IGF2R: variants seen among roughly 807,000 people sequenced by gnomAD.
The protein encoded by IGF2R is cation-independent mannose-6-phosphate receptor.
Under a neutral mutation model 270.6 loss-of-function variants are expected in IGF2R, and 91 were observed. That is an observed-to-expected ratio of 0.34 (90% CI 0.28 to 0.40). IGF2R has a LOEUF of 0.40. Among genes scored for constraint, IGF2R ranks in the 10% least tolerant of loss-of-function variants. The pLI, the probability that IGF2R is intolerant of heterozygous loss-of-function variation, is 1.00. For synonymous variants in IGF2R, 1,316 were observed against 1,258.9 expected, an observed-to-expected ratio of 1.05 and a Z score of -0.96; for missense variants, 2,805 against 3,188.3, an observed-to-expected ratio of 0.88 and a Z score of 2.90.
chr6:159,971,715 A>G (rs915247998), intron 1 of IGF2R, among the ~76,000 whole-genome samples: 1 of 152,242 alleles, frequency 6.6e-6, no homozygotes, highest in East Asian at 1.9e-4. Flanking sequence ...TGGTGCAGTC[A>G]TAGCTCACTA....
chr6:160,002,859 A>C (rs1472975070), intron 2 of IGF2R, among the ~76,000 whole-genome samples: 1 of 152,230 alleles, frequency 6.6e-6, no homozygotes, highest in Non-Finnish European at 1.5e-5. Context: ...CAGTAAAAAT[A>C]CCAAATACAT....
intron 27 of IGF2R, among the ~76,000 whole-genome samples, chr6:160,064,141 A>G (rs1037715629): frequency 1.3e-5 from 2 of 152,250 alleles, no homozygotes; most frequent in African/African-American, 2.4e-5. Context: ...AGAAAGTGAC[A>G]TTCCCTTAGG....
chr6:160,055,165 T>A (rs922720859), intron 19 of IGF2R, among the ~76,000 whole-genome samples: 2 of 152,110 alleles, frequency 1.3e-5, no homozygotes, highest in African/African-American at 4.8e-5. Context: ...TCAGGAAGGA[T>A]CCAGGTTTGG....
rs201596703 is a variant in IGF2R, at chr6:160,034,519, G to A, written c.1312G>A (p.Ala438Thr). The change falls in exon 10 of 48, where the codon GCA becomes ACA. Residue 438 changes from alanine to threonine, a missense_variant. Coordinates refer to ENST00000356956, the MANE Select transcript of IGF2R (RefSeq NM_000876.4). The part of the protein sequence containing the change: ...SVINFECNKT[A>T]GNDGKGTPVF... ...CATAAACTTTGAGTGCAATAAAACC[G>A]CAGGTAAGTGTGCGCTGGAGTTCAG... 13 of 1,599,720 alleles carry A rather than the reference G, an allele frequency of 8.1e-6. No homozygotes were observed. The highest frequency in any genetic ancestry group is 3.3e-5 in the Admixed American group (2 of 59,938).
At chr6:160,006,828 A>G (rs935014355) in intron 2 of IGF2R, 2 of 152,048 alleles carry the variant, frequency 1.3e-5, no homozygotes, top group Non-Finnish European at 2.9e-5. Context: ...ACAAAAATCT[A>G]GGATCTTGGC....
intron 1 of IGF2R, among the ~76,000 whole-genome samples, chr6:159,969,824 C>T (rs929089511): frequency 1.3e-5 from 2 of 152,110 alleles, no homozygotes; most frequent in African/African-American, 4.8e-5. Flanking sequence ...TGAGGCCCCT[C>T]GGTGTGGAGA....
intron 36 of IGF2R, among the ~76,000 whole-genome samples, chr6:160,077,972 A>T (rs571056011): frequency 1.3e-5 from 2 of 152,344 alleles, no homozygotes; most frequent in African/African-American, 4.8e-5. Flanking sequence ...TAAGTAGAAG[A>T]CAAGACCTGG....
chr6:160,092,604 C>G (rs1299636534), intron 44 of IGF2R, among the ~76,000 whole-genome samples: 3 of 152,264 alleles, frequency 2.0e-5, no homozygotes, highest in Admixed American at 1.3e-4. Context: ...CTTCCTGAGG[C>G]TTGCCATTCC....
rs758766747 is a variant in IGF2R, at chr6:160,089,099, C to T, written c.6321-8C>T. ...AAGTGACTGTAGCCTGTGCTTCCCTCCTCCTAGGTTTGATATCGACAGCTG... is the reference window on the plus strand; with the variant it reads ...AAGTGACTGTAGCCTGTGCTTCCCTTCTCCTAGGTTTGATATCGACAGCTG... On this transcript the variant is annotated splice_region_variant and splice_polypyrimidine_tract_variant and intron_variant, in intron 42 of 47. Coordinates refer to ENST00000356956, the MANE Select transcript of IGF2R (RefSeq NM_000876.4). The T allele has an allele frequency of 2.5e-6, 4 of 1,611,016 alleles. No homozygotes were observed. Among genetic ancestry groups the T allele is most frequent in the East Asian group, 2.2e-5 (1 of 44,758 alleles).
At position 160,072,026 on chromosome 6, in the gene IGF2R, C is replaced by T. The variant is rs1244303508; in HGVS notation, c.4560C>T (p.Asn1520=). Residue 1520 remains asparagine, a synonymous_variant, in exon 32 of 48, where the codon AAC becomes AAT. Coordinates refer to ENST00000356956, the MANE Select transcript of IGF2R (RefSeq NM_000876.4). The part of the protein sequence containing the change: ...SNEHDDCQVT[N]PSTGHLFDLS... ...AGCATGATGACTGCCAGGTCACCAA[C>T]CCAAGCACAGGTGAGAGGTGGTGCC... 1 of 1,614,046 alleles carries T rather than the reference C, an allele frequency of 6.2e-7. No homozygotes were observed. The highest frequency in any genetic ancestry group is 1.3e-5 in the African/African-American group (1 of 74,928).
At chr6:160,060,745 A>G (rs1562361919) in intron 23 of IGF2R, 28 bp downstream of exon 23, 1 of 1,611,944 alleles carries the variant, frequency 6.2e-7, no homozygotes, top group Admixed American at 1.7e-5. Context: ...AAGAACTGAG[A>G]GGCCGGTCAA....
chr6:160,021,158 AAAG>A (rs1777423993), intron 4 of IGF2R, among the ~76,000 whole-genome samples: 1 of 152,174 alleles, frequency 6.6e-6, no homozygotes. Flanking sequence ...ACATTTCTCT[AAAG>A]AAGACATACA....
At chr6:160,011,727 C>G (rs1268619722) in intron 4 of IGF2R, among the ~76,000 whole-genome samples, 1 of 152,120 alleles carries the variant, frequency 6.6e-6, no homozygotes, top group East Asian at 1.9e-4. Context: ...TCATGTTGCA[C>G]TGCTACTTGA....
At chr6:160,054,632 C>T (rs894301035) in intron 19 of IGF2R, among the ~76,000 whole-genome samples, 3 of 152,300 alleles carry the variant, frequency 2.0e-5, no homozygotes, top group Admixed American at 6.5e-5. Context: ...CCTCCCACCC[C>T]GTCATGGACA....
chr6:159,981,247 GTA>G (rs537739722), intron 1 of IGF2R, among the ~76,000 whole-genome samples: 25 of 152,210 alleles, frequency 1.6e-4, no homozygotes, highest in Non-Finnish European at 3.7e-4. Context: ...AGTTGAGTGT[GTA>G]TGTGTGCGTG....
chr6:160,029,367 A>T (rs1184629593), intron 6 of IGF2R, among the ~76,000 whole-genome samples, 183 bp from the exon 7 acceptor site: 1 of 145,092 alleles, frequency 6.9e-6, no homozygotes, highest in Admixed American at 7.2e-5. Flanking sequence ...GTTTACTTAA[A>T]ACTTTTTTTT....
At chr6:160,098,819 A>G (rs1779421746) in intron 45 of IGF2R, among the ~76,000 whole-genome samples, 1 of 152,212 alleles carries the variant, frequency 6.6e-6, no homozygotes, top group Non-Finnish European at 1.5e-5. Flanking sequence ...ACTAGATCTC[A>G]GGAAAAAAAA....
rs141959082 is a variant in IGF2R at position 160,085,380 on chromosome 6, G to A, written c.6205+249G>A. Among the ~76,000 whole-genome samples the A allele has an allele frequency of 4.4e-3, 674 of 152,302 alleles. 1 individual carries two copies. The highest frequency in any genetic ancestry group is 0.014 in the African/African-American group (597 of 41,556). ...GGGTTGGGCTATCTCGGGGAAGTGC[G>A]TCTATCCAGGAGGAAGTCTCAGAAT... is the stretch of plus-strand genomic sequence containing the variant. On this transcript the variant is annotated intron_variant, in intron 41 of 47. Transcript: ENST00000356956.
rs1207286741 is a variant in IGF2R at position 160,105,664 on chromosome 6, T to C, written c.*580T>C. 6.5e-6 allele frequency: 1 copy of C among 152,986 alleles called. No homozygotes were observed. Among genetic ancestry groups the C allele is most frequent in the African/African-American group, 2.4e-5 (1 of 41,406 alleles). 9.5% of individuals were successfully genotyped at this position (152,986 alleles called of 1,614,324 possible). A position where few individuals can be genotyped will look rare whatever the true frequency, so the allele number is the denominator to read the frequency against. ...CTGAGTTGGAGCTCATTCTGTCTCT[T>C]TTCTCTTTTGCTTTCTGTTTCTTAA... is the stretch of plus-strand genomic sequence containing the variant. On this transcript the variant is annotated 3_prime_UTR_variant, in exon 48 of 48. Coordinates refer to ENST00000356956, the MANE Select transcript of IGF2R (RefSeq NM_000876.4).
Sources: allele counts gnomAD v4.1 joint callset (sites outside exome capture counted in the v4.1 genomes callset), GRCh38; gene constraint gnomAD v4.1.1; transcripts MANE v1.5; gene names NCBI Gene and HGNC (gene_info 2026-07-23, HGNC 2026-07-21).